Variants in PTPRO observed in about 807,000 individuals in gnomAD.
PTPRO encodes the protein receptor-type tyrosine-protein phosphatase O.
Under a neutral mutation model 145.2 loss-of-function variants are expected in PTPRO, and 62 were observed. That is an observed-to-expected ratio of 0.43 (90% CI 0.35 to 0.53). The LOEUF (loss-of-function observed/expected upper bound fraction) is 0.53, where lower values mean the gene tolerates loss of function less well. Among genes scored for constraint, PTPRO ranks in the 20% least tolerant of loss-of-function variants. PTPRO has a pLI of 0.01. For synonymous variants in PTPRO, 565 were observed against 514.7 expected (o/e 1.10, Z -1.32); for missense variants, 1,345 against 1,482.7 (o/e 0.91, Z 1.53).
At chr12:15,581,298 CTTTTTTT>C (rs147606138) in intron 22 of PTPRO, among the ~76,000 whole-genome samples, 1 of 123,030 alleles carries the variant, frequency 8.1e-6, no homozygotes, top group Non-Finnish European at 1.6e-5. Context: ...TGAGTGCTTT[CTTTTTTT>C]TTTTTTTTTT....
At chr12:15,402,117 C>T (rs1939511185) in intron 1 of PTPRO, among the ~76,000 whole-genome samples, 1 of 152,176 alleles carries the variant, frequency 6.6e-6, no homozygotes, top group Non-Finnish European at 1.5e-5. Context: ...AAGCCGGGCA[C>T]AGTGGCTCAT....
intron 1 of PTPRO, among the ~76,000 whole-genome samples, chr12:15,409,071 T>C (rs1939724283): frequency 6.6e-6 from 1 of 151,924 alleles, no homozygotes; most frequent in African/African-American, 2.4e-5. Context: ...CTATAATTAT[T>C]ATGTTTAAAA....
chr12:15,470,489 C>A (rs1941514554), intron 1 of PTPRO, among the ~76,000 whole-genome samples: 1 of 152,110 alleles, frequency 6.6e-6, no homozygotes, highest in African/African-American at 2.4e-5. Flanking sequence ...AAAATCTTGG[C>A]ACTTCTTTTT....
At chr12:15,468,094 C>A (rs1941457484) in intron 1 of PTPRO, among the ~76,000 whole-genome samples, 1 of 152,050 alleles carries the variant, frequency 6.6e-6, no homozygotes, top group African/African-American at 2.4e-5. Context: ...TTATTCAAAT[C>A]CGTTGTAATT....
At chr12:15,426,505 A>G (rs1940290528) in intron 1 of PTPRO, among the ~76,000 whole-genome samples, 1 of 152,028 alleles carries the variant, frequency 6.6e-6, no homozygotes, top group South Asian at 2.1e-4. Context: ...ATATTTCACC[A>G]GTTAGATTGT....
chr12:15,438,153 C>A (rs1348907439), intron 1 of PTPRO, among the ~76,000 whole-genome samples: 3 of 151,368 alleles, frequency 2.0e-5, no homozygotes, highest in South Asian at 2.1e-4. Context: ...CCATAAAGCA[C>A]GTAAGGGAAA....
chr12:15,448,674 G>T (rs561717266), intron 1 of PTPRO, among the ~76,000 whole-genome samples: 1 of 152,088 alleles, frequency 6.6e-6, no homozygotes, highest in African/African-American at 2.4e-5. Context: ...TTTTATCTGG[G>T]TATATACCCA....
At chr12:15,420,174 G>A (rs1475068708) in intron 1 of PTPRO, among the ~76,000 whole-genome samples, 1 of 145,944 alleles carries the variant, frequency 6.9e-6, no homozygotes, top group African/African-American at 2.6e-5. Flanking sequence ...AAAAAAAAGA[G>A]TGTCCCCTCT....
intron 25 of PTPRO, among the ~76,000 whole-genome samples, chr12:15,593,001 T>C (rs1944584761): frequency 6.6e-6 from 1 of 152,206 alleles, no homozygotes; most frequent in African/African-American, 2.4e-5. Flanking sequence ...GTCTTGTTGT[T>C]TGGTTGTTTT....
chr12:15,554,198 G>A (rs11056556), intron 15 of PTPRO, among the ~76,000 whole-genome samples: 46,822 of 151,558 alleles, frequency 0.31, 7,525 homozygotes, highest in Middle Eastern at 0.49. Flanking sequence ...AACAAAAAAA[G>A]AGAGTTGAGG....
At chr12:15,544,682 G>T (rs1943246375) in intron 12 of PTPRO, among the ~76,000 whole-genome samples, 1 of 152,012 alleles carries the variant, frequency 6.6e-6, no homozygotes, top group South Asian at 2.1e-4. Context: ...ATTCATCTAT[G>T]CCCCCAAACA....
At chr12:15,363,058 A>C (rs1028285325) in intron 1 of PTPRO, among the ~76,000 whole-genome samples, 2 of 152,180 alleles carry the variant, frequency 1.3e-5, no homozygotes, top group African/African-American at 4.8e-5. Context: ...ATGAAGAAGA[A>C]ATAAGCTGTA....
At position 15,501,664 on chromosome 12, in the gene PTPRO, A is replaced by T; in HGVS notation, c.706A>T (p.Asn236Tyr). 6.2e-7 allele frequency: 1 copy of T among 1,614,038 alleles called. No homozygotes were observed. The highest frequency in any genetic ancestry group is 8.5e-7 in the Non-Finnish European group (1 of 1,179,946). ...TATTTCCGTTCGTATCGTAAACTTGAACAAAAACAACTGGGAAGAACAGAG... is the reference window on the plus strand; with the variant it reads ...TATTTCCGTTCGTATCGTAAACTTGTACAAAAACAACTGGGAAGAACAGAG... ...QNISVRIVNL[N>Y]KNNWEEQSGN... The change falls in exon 5 of 27, where the codon AAC (asparagine) becomes TAC (tyrosine). Residue 236 changes from asparagine to tyrosine, a missense_variant. Asn to Tyr is a moderately radical substitution (Grantham distance 143). Transcript: ENST00000281171.
At chr12:15,476,135 G>T (rs1011007076) in intron 1 of PTPRO, among the ~76,000 whole-genome samples, 1 of 152,146 alleles carries the variant, frequency 6.6e-6, no homozygotes, top group African/African-American at 2.4e-5. Flanking sequence ...GTTGATTGGG[G>T]TCTAATTTGT....
intron 1 of PTPRO, among the ~76,000 whole-genome samples, chr12:15,359,942 C>G (rs1938123784): frequency 1.3e-5 from 2 of 152,180 alleles, no homozygotes; most frequent in Non-Finnish European, 2.9e-5. Context: ...CTAAAATTCC[C>G]CAAGCATTTT....
At chr12:15,408,543 T>G (rs1246971060) in intron 1 of PTPRO, among the ~76,000 whole-genome samples, 2 of 152,168 alleles carry the variant, frequency 1.3e-5, no homozygotes, top group African/African-American at 2.4e-5. Flanking sequence ...TCCTTCTGCT[T>G]CAGCCTCCTG....
intron 10 of PTPRO, among the ~76,000 whole-genome samples, chr12:15,521,503 A>C (rs2136516643): frequency 6.6e-6 from 1 of 152,336 alleles, no homozygotes; most frequent in East Asian, 1.9e-4. Context: ...AACTATATTG[A>C]TGTAAACTTT....
At chr12:15,389,488 T>C (rs1416066620) in intron 1 of PTPRO, among the ~76,000 whole-genome samples, 1 of 152,130 alleles carries the variant, frequency 6.6e-6, no homozygotes, top group African/African-American at 2.4e-5. Flanking sequence ...AAGAATGACA[T>C]CCAGGATAAC....
intron 1 of PTPRO, among the ~76,000 whole-genome samples, chr12:15,387,794 C>A (rs1275906247): frequency 2.0e-5 from 3 of 152,172 alleles, no homozygotes; most frequent in African/African-American, 7.2e-5. Flanking sequence ...TAATATGTAA[C>A]AGACCACAAG....
Sources: allele counts gnomAD v4.1 joint callset (sites outside exome capture counted in the v4.1 genomes callset), GRCh38; gene constraint gnomAD v4.1.1; transcripts MANE v1.5; gene names NCBI Gene and HGNC (gene_info 2026-07-23, HGNC 2026-07-21).